Variants in PCLO observed in about 807,000 individuals in gnomAD.
PCLO encodes protein piccolo.
A neutral mutation model predicts 427.5 loss-of-function variants in PCLO; 82 were observed. The ratio of observed to expected loss-of-function variants is 0.19; its 90% confidence interval spans 0.16 to 0.23. The LOEUF (loss-of-function observed/expected upper bound fraction) is 0.23, where lower values mean the gene tolerates loss of function less well. Among genes scored for constraint, PCLO ranks in the 10% least tolerant of loss-of-function variants. The pLI is 1.00. For missense variants in PCLO, 6,239 were observed against 6,115.9 expected, an observed-to-expected ratio of 1.02 and a Z score of -0.67; for synonymous variants, 2,357 against 2,155.4, an observed-to-expected ratio of 1.09 and a Z score of -2.59.
In PCLO at chr7:82,955,812, C is replaced by A. The variant is rs1235952844; in HGVS notation, c.5141G>T (p.Gly1714Val). Residue 1714 changes from glycine to valine, a missense_variant, in exon 5 of 25, where the codon GGA becomes GTA. Around this residue, in one of 5 missense-constraint regions of PCLO, gnomAD observed 4,677 missense variants for 4,468.4 expected, o/e 1.05. Coordinates refer to ENST00000333891, the MANE Select transcript of PCLO (RefSeq NM_033026.6). Reference sequence around the variant, plus strand: ...AGCATGCAGACTCGAAGATCCCTCTCCCCTTGACCTATCTTCAGGTGAGTC... The same window carrying A: ...AGCATGCAGACTCGAAGATCCCTCTACCCTTGACCTATCTTCAGGTGAGTC... ...LTDSPEDRSR[G>V]EGSSSLHASS... 19 of 1,613,964 alleles carry A rather than the reference C, an allele frequency of 1.2e-5. No individual in the cohort carries two copies. Among genetic ancestry groups the A allele is most frequent in the Non-Finnish European group, 1.5e-5 (18 of 1,179,874 alleles).
chr7:82,765,553 A>G (rs1292735712), intron 22 of PCLO, among the ~76,000 whole-genome samples: 1 of 152,040 alleles, frequency 6.6e-6, no homozygotes, highest in Non-Finnish European at 1.5e-5. Context: ...TTTAGAAATG[A>G]CATGTGTTCT....
chr7:83,026,855 A>G (rs1788512732), intron 3 of PCLO, among the ~76,000 whole-genome samples: 2 of 146,322 alleles, frequency 1.4e-5, no homozygotes, highest in Non-Finnish European at 1.5e-5. Context: ...CTGAATGACT[A>G]CTGGGTACAT....
Position 82,955,692 on chromosome 7 carries a change from T to A in PCLO, c.5261A>T (p.Gln1754Leu). 6.2e-7 allele frequency: 1 copy of A among 1,613,972 alleles called. No homozygotes were observed. The highest frequency in any genetic ancestry group is 8.5e-7 in the Non-Finnish European group (1 of 1,179,862). ...TGGTCTGTGCCGAGCTTTGCGTTGC[T>A]GTTTGCTCTCTCCTTTTTTGTGACT... The part of the protein sequence containing the change: ...SPSHKKGESK[Q>L]QRKARHRPHG... Residue 1754 changes from glutamine to leucine, a missense_variant, in exon 5 of 25, where the codon CAG becomes CTG. This residue lies in a region of PCLO where 4,677 missense variants were observed against 4,468.4 expected (regional missense o/e 1.05). Transcript: ENST00000333891.
chr7:82,756,626 T>C lies in PCLO; in HGVS notation c.*1949A>G, dbSNP rs1053245464. On this transcript the variant is annotated 3_prime_UTR_variant, in exon 25 of 25. Transcript: ENST00000333891. ...CTCTCAAATTTAGAGCATTTTTTCTTTAAAAATGAGAAAATTCAATATCCA... is the reference window on the plus strand; with the variant it reads ...CTCTCAAATTTAGAGCATTTTTTCTCTAAAAATGAGAAAATTCAATATCCA... 6.6e-6 allele frequency: 1 copy of C among 151,978 alleles called. No homozygotes were observed. Among genetic ancestry groups the C allele is most frequent in the African/African-American group, 2.4e-5 (1 of 41,390 alleles). The allele number at this position is 151,978 out of a possible 1,614,324, so 9.4% of individuals were successfully genotyped here. A position where few individuals can be genotyped will look rare whatever the true frequency, so the allele number is the denominator to read the frequency against.
chr7:82,967,724 T>C (rs1166779893), intron 3 of PCLO, among the ~76,000 whole-genome samples: 2 of 152,202 alleles, frequency 1.3e-5, no homozygotes, highest in East Asian at 3.8e-4. Context: ...ACAAATTATG[T>C]TAGAATAATA....
intron 6 of PCLO, among the ~76,000 whole-genome samples, chr7:82,920,769 C>A (rs1794577103): frequency 6.6e-6 from 1 of 151,664 alleles, no homozygotes; most frequent in African/African-American, 2.4e-5. Flanking sequence ...GCCACACTAT[C>A]CTAAGTGACT....
At chr7:83,024,163 C>G (rs1004963563) in intron 3 of PCLO, among the ~76,000 whole-genome samples, 1 of 152,160 alleles carries the variant, frequency 6.6e-6, no homozygotes, top group Non-Finnish European at 1.5e-5. Context: ...ACGCAGAAGA[C>G]GGGTGATTTC....
chr7:82,795,676 T>C lies in PCLO; in HGVS notation c.15007+5842A>G, dbSNP rs554788264. On this transcript the variant is annotated intron_variant, in intron 22 of 24. Coordinates refer to ENST00000333891, the MANE Select transcript of PCLO (RefSeq NM_033026.6). ...TTTACTGCTCTAGTTCTCTGTTTTC[T>C]TGACTATATAAGGTGGAAATTATTA... 7.2e-5 allele frequency among the ~76,000 whole-genome samples: 11 copies of C among 152,298 alleles called. No individual in the cohort carries two copies. In the East Asian group the frequency reaches 2.1e-3, roughly 29 times the overall value.
At chr7:83,066,804 A>G (rs1207107169) in intron 3 of PCLO, among the ~76,000 whole-genome samples, 1 of 152,188 alleles carries the variant, frequency 6.6e-6, no homozygotes, top group Non-Finnish European at 1.5e-5. Flanking sequence ...TACGGGCCTT[A>G]GACATAAAAT....
intron 2 of PCLO, among the ~76,000 whole-genome samples, chr7:83,150,896 G>A (rs557081676): frequency 1.1e-4 from 17 of 152,078 alleles, no homozygotes; most frequent in South Asian, 2.1e-4. Flanking sequence ...GAATACTTGA[G>A]GGCAACTTGA....
chr7:82,900,503 C>T (rs1794011587), intron 9 of PCLO, among the ~76,000 whole-genome samples: 2 of 151,000 alleles, frequency 1.3e-5, no homozygotes. Context: ...TTTGAAATTT[C>T]ATTAACTTGG....
intron 3 of PCLO, among the ~76,000 whole-genome samples, chr7:83,108,710 A>AT (rs765664600): frequency 8.6e-5 from 13 of 151,770 alleles, no homozygotes; most frequent in Non-Finnish European, 1.2e-4. Flanking sequence ...CCACCTCCTC[A>AT]TTTTTTTACC....
chr7:83,155,162 C>A lies in PCLO; in HGVS notation c.1479G>T (p.Gln493His). The A allele has an allele frequency of 1.3e-6, 2 of 1,548,052 alleles. No individual in the cohort carries two copies. The highest frequency in any genetic ancestry group is 1.7e-5 in the African/African-American group (1 of 59,196). The change falls in exon 2 of 25, where the codon CAG (glutamine) becomes CAT (histidine). Residue 493 changes from glutamine to histidine, a missense_variant. Physicochemically the swap from Gln to His is conservative, Grantham distance 24 (BLOSUM62 0). This residue lies in a region of PCLO where 4,677 missense variants were observed against 4,468.4 expected (regional missense o/e 1.05). Transcript: ENST00000333891. ...GAGATGGGGGCTTTGCTGAGCCAGG[C>A]TGTTGAGGTGGGGGCTTTGCTGGGC... ...QPGPAKPPPQQPGSAKPPSQQ... is the reference protein window; with the variant it reads ...QPGPAKPPPQHPGSAKPPSQQ...
chr7:83,079,748 T>C (rs1370339158), intron 3 of PCLO, among the ~76,000 whole-genome samples: 1 of 152,124 alleles, frequency 6.6e-6, no homozygotes, highest in Non-Finnish European at 1.5e-5. Context: ...GGGGTACATG[T>C]ACAGAATGTG....
chr7:82,943,336 C>G (rs955311350), intron 6 of PCLO, among the ~76,000 whole-genome samples: 1 of 152,054 alleles, frequency 6.6e-6, no homozygotes, highest in Non-Finnish European at 1.5e-5. Context: ...AATTAATAGC[C>G]TATGTACTTT....
chr7:83,083,846 G>C (rs998828079), intron 3 of PCLO, among the ~76,000 whole-genome samples: 21 of 152,072 alleles, frequency 1.4e-4, no homozygotes, highest in Non-Finnish European at 1.2e-4. Flanking sequence ...GTATTTTCTT[G>C]ATATATCTTT....
intron 3 of PCLO, among the ~76,000 whole-genome samples, chr7:83,053,731 C>T (rs183598030): frequency 1.2e-4 from 18 of 151,954 alleles, no homozygotes; most frequent in Non-Finnish European, 2.9e-5. Context: ...TTTTCAATAA[C>T]TCTCTTCTTT....
chr7:82,902,713 T>C lies in PCLO; in HGVS notation c.13466A>G (p.His4489Arg), dbSNP rs774165894. 6 of 1,599,566 alleles carry C rather than the reference T, an allele frequency of 3.8e-6. No individual in the cohort carries two copies. The highest frequency in any genetic ancestry group is 5.1e-6 in the Non-Finnish European group (6 of 1,167,982). Residue 4489 changes from histidine to arginine, a missense_variant, in exon 9 of 25, where the codon CAC (histidine) becomes CGC (arginine). This residue lies in a region of PCLO where 877 missense variants were observed against 925.5 expected (regional missense o/e 0.95). Transcript: ENST00000333891. ...TATCCTTGCGTGAGGAAAGATGTAGTGCATAGTTTTCCCGTTCATCTGTAT... is the reference window on the plus strand; with the variant it reads ...TATCCTTGCGTGAGGAAAGATGTAGCGCATAGTTTTCCCGTTCATCTGTAT... Reference protein sequence around the residue: ...QIIQMNGKTMHYIFPHARIKI... With the variant: ...QIIQMNGKTMRYIFPHARIKI...
At chr7:83,012,223 C>T (rs557150478) in intron 3 of PCLO, among the ~76,000 whole-genome samples, 2 of 152,160 alleles carry the variant, frequency 1.3e-5, no homozygotes, top group Admixed American at 1.3e-4. Context: ...CTATTGTAAA[C>T]TGCAGAATAC....
Sources: allele counts gnomAD v4.1 joint callset (sites outside exome capture counted in the v4.1 genomes callset), GRCh38; gene constraint gnomAD v4.1.1; regional missense constraint gnomAD v4.1.1; transcripts MANE v1.5; gene names NCBI Gene and HGNC (gene_info 2026-07-23, HGNC 2026-07-21).